Variants in RGS12 observed in about 807,000 individuals in gnomAD.
RGS12 encodes the protein regulator of G-protein signaling 12.
Under a neutral mutation model 120.1 loss-of-function variants are expected in RGS12, and 66 were observed. The ratio of observed to expected loss-of-function variants is 0.55; its 90% confidence interval spans 0.45 to 0.67. RGS12 has a LOEUF of 0.67. Ranked by LOEUF, RGS12 falls within the 30% of genes least tolerant of loss-of-function variation. The pLI, the probability that RGS12 is intolerant of heterozygous loss-of-function variation, is 0.00. For synonymous variants in RGS12, 827 were observed against 804.7 expected (o/e 1.03, Z -0.47); for missense variants, 1,859 against 1,957.7 (o/e 0.95, Z 0.95).
intron 2 of RGS12, among the ~76,000 whole-genome samples, chr4:3,327,351 G>A (rs1361322826): frequency 6.6e-6 from 1 of 152,138 alleles, no homozygotes; most frequent in African/African-American, 2.4e-5. Flanking sequence ...AAAACCTAGG[G>A]AAACTCTTTT....
At chr4:3,423,951 A>C in intron 13 of RGS12, 1 of 282,856 alleles carries the variant, frequency 3.5e-6, no homozygotes, top group Non-Finnish European at 6.9e-6. Flanking sequence ...CTGTTGGCCA[A>C]TGTGATCAGA....
At chr4:3,386,164 A>T (rs1718829264) in intron 3 of RGS12, 1 of 558,914 alleles carries the variant, frequency 1.8e-6, no homozygotes, top group African/African-American at 1.9e-5. Context: ...GTAATGTCAG[A>T]CATGTTGGGA....
chr4:3,386,355 C>T lies in RGS12; in HGVS notation c.1999-61C>T, dbSNP rs118013842. 2.9e-4 allele frequency: 447 copies of T among 1,518,496 alleles called. 2 individuals are homozygous for T. The East Asian group carries it at 9.0e-3, about 30-fold the overall frequency. The allele number at this position is 1,518,496 out of a possible 1,614,324, so 94.1% of individuals were successfully genotyped here. ...CCTTGTGTTCCTCAGATGGACTTTT[C>T]GTTTCCTGGAGTTTTGTCATGAGGC... On this transcript the variant is annotated intron_variant, in intron 3 of 17. Coordinates refer to ENST00000336727, the MANE Select transcript of RGS12 (RefSeq NM_001394154.1).
chr4:3,352,177 G>C (rs1022497788), intron 3 of RGS12, among the ~76,000 whole-genome samples: 1 of 152,144 alleles, frequency 6.6e-6, no homozygotes, highest in Non-Finnish European at 1.5e-5. Context: ...ACCAGAAGGG[G>C]CTTGCCAGAA....
At chr4:3,309,110 TGTTGAGGAGGA>T (rs1560644982) in intron 1 of RGS12, among the ~76,000 whole-genome samples, 27 of 99,896 alleles carry the variant, frequency 2.7e-4, no homozygotes, top group African/African-American at 1.0e-3. Flanking sequence ...AGGGGAACCG[TGTTGAGGAGGA>T]GCTGGGACTC....
upstream of RGS12, among the ~76,000 whole-genome samples, chr4:3,292,706 G>A (rs1723094251): frequency 6.6e-6 from 1 of 152,240 alleles, no homozygotes; most frequent in Non-Finnish European, 1.5e-5. Flanking sequence ...CGGGAACGCA[G>A]TCGCTCCCAG....
Position 3,414,673 on chromosome 4 carries a change from G to A in RGS12, c.2191-79G>A, listed in dbSNP as rs1722141930. The A allele has an allele frequency of 4.9e-6, 5 of 1,027,654 alleles. No homozygotes were observed. In the Admixed American group the frequency reaches 5.3e-5, roughly 11 times the overall value. 63.7% of individuals were successfully genotyped at this position (1,027,654 alleles called of 1,614,324 possible). A position where few individuals can be genotyped will look rare whatever the true frequency, so the allele number is the denominator to read the frequency against. On this transcript the variant is annotated intron_variant, in intron 5 of 17. Coordinates refer to ENST00000336727, the MANE Select transcript of RGS12 (RefSeq NM_001394154.1). ...AGCTCACTGAGCAGCCAGTGACCCC[G>A]TGGTTTCTGTAGAAGGGGAAGTAGG...
chr4:3,295,092 G>A (rs928393406), intron 1 of RGS12, among the ~76,000 whole-genome samples: 2 of 152,132 alleles, frequency 1.3e-5, no homozygotes, highest in African/African-American at 4.8e-5. Context: ...AAGAAGGGGT[G>A]GCCAGGCCGA....
At chr4:3,382,810 G>A (rs1039290393) in intron 3 of RGS12, among the ~76,000 whole-genome samples, 37 of 152,124 alleles carry the variant, frequency 2.4e-4, no homozygotes, top group African/African-American at 7.0e-4. Flanking sequence ...TTCACTGTCG[G>A]ACATTCCATA....
At chr4:3,437,786 G>T (rs753360696) in intron 17 of RGS12, among the ~76,000 whole-genome samples, 1 of 152,196 alleles carries the variant, frequency 6.6e-6, no homozygotes, top group Non-Finnish European at 1.5e-5. Flanking sequence ...GGGCTGCTGC[G>T]TCGAGGCCAG....
chr4:3,416,196 C>T (rs1387351446), intron 7 of RGS12, 75 bp downstream of exon 7: 19 of 1,533,028 alleles, frequency 1.2e-5, no homozygotes, highest in Non-Finnish European at 1.5e-5. Context: ...TCAAAGAACA[C>T]GTGCTATCAG....
chr4:3,428,572 A>T lies in RGS12; in HGVS notation c.3426A>T (p.Thr1142=). 6.3e-7 allele frequency: 1 copy of T among 1,591,816 alleles called. No homozygotes were observed. The highest frequency in any genetic ancestry group is 8.5e-7 in the Non-Finnish European group (1 of 1,173,718). ...TTCTAATGCAGGGAGAGGAAAGAAC[A>T]CTAGGCAAGTCTAATTCTATTAAAA... ...RNHSATGEER[T]LGKSNSIKIK... The change falls in exon 16 of 18, where the codon ACA becomes ACT. Residue 1142 remains threonine, a synonymous_variant. Transcript: ENST00000336727.
chr4:3,428,523 A>G, intron 15 of RGS12, 35 bp from the exon 16 acceptor site: 7 of 1,541,122 alleles, frequency 4.5e-6, no homozygotes, highest in Non-Finnish European at 6.1e-6. Context: ...GTGTATTGAA[A>G]TGAAAGTAGA....
At chr4:3,335,314 T>C (rs1712320387) in intron 2 of RGS12, among the ~76,000 whole-genome samples, 1 of 152,222 alleles carries the variant, frequency 6.6e-6, no homozygotes, top group African/African-American at 2.4e-5. Flanking sequence ...TCTAGTTTTA[T>C]GTTTGAAATG....
At chr4:3,295,528 C>T (rs1723331632) in intron 1 of RGS12, among the ~76,000 whole-genome samples, 1 of 151,950 alleles carries the variant, frequency 6.6e-6, no homozygotes, top group African/African-American at 2.4e-5. Context: ...GGTGTGGTGG[C>T]AGACGCCTGT....
chr4:3,408,873 A>G (rs746086276), intron 4 of RGS12, among the ~76,000 whole-genome samples: 4 of 152,132 alleles, frequency 2.6e-5, no homozygotes, highest in Non-Finnish European at 4.4e-5. Flanking sequence ...ACTGGAGCAC[A>G]ATTCCTATGT....
At chr4:3,288,802 G>T (rs1030971020), upstream of RGS12, among the ~76,000 whole-genome samples, 2 of 152,206 alleles carry the variant, frequency 1.3e-5, no homozygotes, top group Admixed American at 6.5e-5. The surrounding 1 kb of genome is among the most constrained non-coding windows in gnomAD (Gnocchi z 5.2). Context: ...ACTGCATGAG[G>T]CATGTGGCTT....
chr4:3,291,706 C>T (rs895853477), upstream of RGS12, among the ~76,000 whole-genome samples: 2 of 152,126 alleles, frequency 1.3e-5, no homozygotes, highest in African/African-American at 4.8e-5. Flanking sequence ...GGCCATAGGT[C>T]GCAGCTCCTG....
intron 2 of RGS12, among the ~76,000 whole-genome samples, chr4:3,339,414 C>T (rs1482560797): frequency 1.3e-5 from 2 of 151,998 alleles, no homozygotes; most frequent in Non-Finnish European, 1.5e-5. Flanking sequence ...CCTGGGAGGT[C>T]GCGGCTGCTG....
Sources: gnomAD v4.1 joint callset for allele counts (sites outside exome capture counted in the v4.1 genomes callset) on GRCh38, gnomAD v4.1.1 for gene constraint, Gnocchi (gnomAD v3.1) non-coding constraint, MANE v1.5 for transcripts, NCBI Gene and HGNC (gene_info 2026-07-23, HGNC 2026-07-21) for gene names.